HLF: variants seen among roughly 807,000 people sequenced by gnomAD.
The protein encoded by HLF is hepatic leukemia factor.
Under a neutral mutation model 22.6 loss-of-function variants are expected in HLF, and 3 were observed. That is an observed-to-expected ratio of 0.13 (90% confidence interval 0.06 to 0.34). HLF has a LOEUF of 0.34. Ranked by LOEUF, HLF falls within the 10% of genes least tolerant of loss-of-function variation. The pLI is 1.00. For missense variants in HLF, 299 were observed against 389.2 expected (o/e 0.77, Z 1.95); for synonymous variants, 151 against 151.8 (o/e 0.99, Z 0.04).
chr17:55,267,600 T>G (rs1261014074), intron 1 of HLF, 151 bp from the exon 2 acceptor site: 2 of 577,692 alleles, frequency 3.5e-6, no homozygotes, highest in African/African-American at 3.8e-5. Context: ...CCTGAACTTT[T>G]AACTCTAGAT....
At chr17:55,293,603 A>G (rs2081086106) in intron 2 of HLF, among the ~76,000 whole-genome samples, 3 of 152,342 alleles carry the variant, frequency 2.0e-5, no homozygotes, top group African/African-American at 7.2e-5. Context: ...GACTGTTAGT[A>G]CTTGGTAGGT....
At chr17:55,315,779 G>C (rs1034035495) in intron 3 of HLF, among the ~76,000 whole-genome samples, 1 of 152,218 alleles carries the variant, frequency 6.6e-6, no homozygotes, top group African/African-American at 2.4e-5. Flanking sequence ...TCAAGGTTGA[G>C]AAGAGAAAGA....
chr17:55,321,046 TG>T lies in HLF; in HGVS notation c.*168del. ...GTGTGTGTGTGCGTGTATATGTGCTTGTGCTCATGTGTGTGGTCAGCGGTAT... is the reference window on the plus strand; with the variant it reads ...GTGTGTGTGTGCGTGTATATGTGCTTTGCTCATGTGTGTGGTCAGCGGTAT... On this transcript the variant is annotated 3_prime_UTR_variant, in exon 4 of 4. Coordinates refer to ENST00000226067, the MANE Select transcript of HLF (RefSeq NM_002126.5). 1 of 606,506 alleles carries T rather than the reference TG, an allele frequency of 1.6e-6. No individual in the cohort carries two copies. Among genetic ancestry groups the T allele is most frequent in the Non-Finnish European group, 3.0e-6 (1 of 337,354 alleles). The allele number at this position is 606,506 out of a possible 1,614,324, so 37.6% of individuals were successfully genotyped here.
chr17:55,277,835 C>T (rs989781474), intron 2 of HLF, among the ~76,000 whole-genome samples: 1 of 152,114 alleles, frequency 6.6e-6, no homozygotes, highest in South Asian at 2.1e-4. Context: ...TTGGCAGAAT[C>T]GAGTGTCTGC....
chr17:55,313,064 C>A (rs1005977439), intron 2 of HLF, among the ~76,000 whole-genome samples: 1 of 152,168 alleles, frequency 6.6e-6, no homozygotes, highest in Admixed American at 6.5e-5. Context: ...AGCCACGTAC[C>A]TTGTCTGTGG....
intron 2 of HLF, among the ~76,000 whole-genome samples, chr17:55,278,553 T>G (rs1009602173): frequency 3.3e-5 from 5 of 149,878 alleles, no homozygotes; most frequent in Non-Finnish European, 7.4e-5. Context: ...GAAGGTTTGT[T>G]TGGGGGAAGG....
intron 2 of HLF, among the ~76,000 whole-genome samples, chr17:55,277,504 G>T (rs989422347): frequency 4.0e-5 from 6 of 151,254 alleles, no homozygotes; most frequent in Non-Finnish European, 7.4e-5. Flanking sequence ...CCTTGTATTT[G>T]TGGCTCCCTT....
Position 55,322,620 on chromosome 17 carries a change from CT to C in HLF, c.*1743del, listed in dbSNP as rs1905299913. On this transcript the variant is annotated 3_prime_UTR_variant, in exon 4 of 4. Transcript: ENST00000226067. Reference sequence around the variant, plus strand: ...AAATACACAAGGAGCTTTCTTGTTTCTTATTAGGCCTCAGAAAGAAGTCAGT... The same window carrying C: ...AAATACACAAGGAGCTTTCTTGTTTCTATTAGGCCTCAGAAAGAAGTCAGT... The C allele has an allele frequency of 4.6e-6, 1 of 216,030 alleles. No individual in the cohort carries two copies. The highest frequency in any genetic ancestry group is 2.3e-5 in the African/African-American group (1 of 44,364). 13.4% of individuals were successfully genotyped at this position (216,030 alleles called of 1,614,324 possible).
chr17:55,275,583 C>T (rs2080897921), intron 2 of HLF, among the ~76,000 whole-genome samples: 1 of 152,196 alleles, frequency 6.6e-6, no homozygotes, highest in Non-Finnish European at 1.5e-5. Context: ...AGTTTATCCT[C>T]CGGCTTGCAA....
At chr17:55,284,286 A>G (rs1355521238) in intron 2 of HLF, among the ~76,000 whole-genome samples, 1 of 152,220 alleles carries the variant, frequency 6.6e-6, no homozygotes, top group African/African-American at 2.4e-5. Context: ...ACTGTGTGAC[A>G]AGGACTTGAT....
chr17:55,269,519 G>T (rs1000804332), intron 2 of HLF, among the ~76,000 whole-genome samples: 1 of 152,152 alleles, frequency 6.6e-6, no homozygotes, highest in South Asian at 2.1e-4. Context: ...GTTATGCCTC[G>T]GTCATTGTGC....
intron 3 of HLF, 41 bp downstream of exon 3, chr17:55,315,488 G>C (rs773037201): frequency 1.6e-5 from 24 of 1,455,166 alleles, no homozygotes; most frequent in Non-Finnish European, 2.1e-5. Context: ...CAAATGGAGA[G>C]TGGGATCCAC....
At chr17:55,292,911 G>A (rs2081077437) in intron 2 of HLF, among the ~76,000 whole-genome samples, 1 of 152,192 alleles carries the variant, frequency 6.6e-6, no homozygotes, top group Non-Finnish European at 1.5e-5. Context: ...AATATTGTAT[G>A]TTCTTATTCA....
At chr17:55,318,240 C>A (rs993007318) in intron 3 of HLF, among the ~76,000 whole-genome samples, 3 of 152,150 alleles carry the variant, frequency 2.0e-5, no homozygotes, top group Non-Finnish European at 4.4e-5. Flanking sequence ...TGCCCGCAAC[C>A]CTTCTGCGAT....
At chr17:55,284,278 T>G (rs2080980895) in intron 2 of HLF, among the ~76,000 whole-genome samples, 1 of 152,142 alleles carries the variant, frequency 6.6e-6, no homozygotes, top group South Asian at 2.1e-4. Flanking sequence ...TCCAGGTAAC[T>G]GTGTGACAAG....
intron 2 of HLF, among the ~76,000 whole-genome samples, chr17:55,302,972 A>T (rs1904368322): frequency 6.6e-6 from 1 of 152,198 alleles, no homozygotes; most frequent in Admixed American, 6.5e-5. Flanking sequence ...CCTACTTCGC[A>T]GAGTTGTTAG....
chr17:55,315,502 C>A (rs1905029491), intron 3 of HLF, 55 bp downstream of exon 3: 2 of 1,305,348 alleles, frequency 1.5e-6, no homozygotes, highest in Middle Eastern at 1.8e-4. Flanking sequence ...GATCCACAGA[C>A]AGATTAAAAG....
At chr17:55,298,342 T>G (rs935457457) in intron 2 of HLF, among the ~76,000 whole-genome samples, 1 of 152,312 alleles carries the variant, frequency 6.6e-6, no homozygotes, top group Admixed American at 6.5e-5. Flanking sequence ...CTGGTGGGCA[T>G]GGGCTTGAGA....
At chr17:55,295,512 G>A (rs138068693) in intron 2 of HLF, among the ~76,000 whole-genome samples, 13 of 152,344 alleles carry the variant, frequency 8.5e-5, no homozygotes, top group African/African-American at 2.9e-4. Context: ...AGGGACCTGC[G>A]GCTCTGCACT....
Sources: allele counts gnomAD v4.1 joint callset (sites outside exome capture counted in the v4.1 genomes callset), GRCh38; gene constraint gnomAD v4.1.1; transcripts MANE v1.5; gene names NCBI Gene and HGNC (gene_info 2026-07-23, HGNC 2026-07-21).